Variants in HDAC9 observed in about 807,000 individuals in gnomAD.
HDAC9 encodes MEF-2 interacting transcription repressor (MITR) protein.
In HDAC9, 41 loss-of-function variants were observed where a neutral mutation model predicts 139.4. The ratio of observed to expected loss-of-function variants is 0.29; its 90% CI spans 0.23 to 0.38. The LOEUF (loss-of-function observed/expected upper bound fraction) is 0.38, where lower values mean the gene tolerates loss of function less well. Ranked by LOEUF, HDAC9 falls within the 10% of genes least tolerant of loss-of-function variation. The pLI, the probability that HDAC9 is intolerant of heterozygous loss-of-function variation, is 1.00. For missense variants in HDAC9, 1,147 were observed against 1,297.0 expected (o/e 0.88, Z 1.78); for synonymous variants, 517 against 476.2 (o/e 1.09, Z -1.12).
At chr7:18,286,929 TCTGA>T (rs1361305836), upstream of HDAC9, among the ~76,000 whole-genome samples, 2 of 152,198 alleles carry the variant, frequency 1.3e-5, no homozygotes, top group Non-Finnish European at 2.9e-5. Flanking sequence ...CTGTGTGGGC[TCTGA>T]CTATCTAATA....
At chr7:18,400,849 C>T (rs1418268380) in intron 1 of HDAC9, among the ~76,000 whole-genome samples, 2 of 152,130 alleles carry the variant, frequency 1.3e-5, no homozygotes, top group Admixed American at 6.5e-5. Context: ...TCCTGCAAAC[C>T]ACGTCTGCAT....
intron 22 of HDAC9, among the ~76,000 whole-genome samples, chr7:18,901,224 A>G (rs1475672884): frequency 1.9e-5 from 2 of 107,014 alleles, no homozygotes; most frequent in Non-Finnish European, 3.5e-5. Flanking sequence ...ATATATATAC[A>G]CACACACACA....
chr7:18,489,759 T>C (rs148163829), intron 1 of HDAC9, among the ~76,000 whole-genome samples: 3 of 152,218 alleles, frequency 2.0e-5, no homozygotes, highest in African/African-American at 7.2e-5. Context: ...AAAAGACTAT[T>C]AAGTTTTCCT....
chr7:18,816,316 A>G (rs777569599), intron 17 of HDAC9, among the ~76,000 whole-genome samples: 32 of 152,260 alleles, frequency 2.1e-4, no homozygotes, highest in Non-Finnish European at 1.3e-4. Flanking sequence ...TTGCCATAAT[A>G]TAAATCACGT....
intron 23 of HDAC9, among the ~76,000 whole-genome samples, chr7:18,943,413 G>A (rs960075430): frequency 6.6e-6 from 1 of 151,980 alleles, no homozygotes; most frequent in African/African-American, 2.4e-5. Flanking sequence ...TGACCGCTAT[G>A]CCTTCTTCCA....
intron 1 of HDAC9, among the ~76,000 whole-genome samples, chr7:18,304,613 T>C (rs759004593): frequency 1.3e-5 from 2 of 152,068 alleles, no homozygotes; most frequent in African/African-American, 2.4e-5. Context: ...GTAGGTTCTC[T>C]TTGACAAAAA....
chr7:18,957,537 G>C (rs1452795608), intron 24 of HDAC9, among the ~76,000 whole-genome samples: 1 of 152,132 alleles, frequency 6.6e-6, no homozygotes, highest in Non-Finnish European at 1.5e-5. Flanking sequence ...CCCTTTGGCA[G>C]AGAAAGTGGT....
At chr7:18,748,571 A>T (rs1486038057) in intron 13 of HDAC9, among the ~76,000 whole-genome samples, 1 of 152,166 alleles carries the variant, frequency 6.6e-6, no homozygotes, top group African/African-American at 2.4e-5. Flanking sequence ...GTCAGGCTAG[A>T]ATGACTCATG....
chr7:18,634,551 G>A, intron 7 of HDAC9, 76 bp from the exon 8 acceptor site: 4 of 859,236 alleles, frequency 4.7e-6, no homozygotes, highest in Non-Finnish European at 7.4e-6. Context: ...CATGCCCAAT[G>A]TTACATGTTA....
At chr7:18,893,995 A>G (rs1800937842) in intron 22 of HDAC9, among the ~76,000 whole-genome samples, 1 of 152,152 alleles carries the variant, frequency 6.6e-6, no homozygotes, top group Non-Finnish European at 1.5e-5. Context: ...GAAAAGGGTG[A>G]TAGAAGTGGG....
At chr7:18,765,812 GC>G (rs1356489599) in intron 15 of HDAC9, among the ~76,000 whole-genome samples, 8 of 152,036 alleles carry the variant, frequency 5.3e-5, no homozygotes, top group Admixed American at 2.6e-4. Flanking sequence ...ATTTTGATGT[GC>G]CTTTTACTGG....
chr7:18,527,967 T>A (rs1303093929), intron 2 of HDAC9, among the ~76,000 whole-genome samples: 1 of 152,004 alleles, frequency 6.6e-6, no homozygotes, highest in Non-Finnish European at 1.5e-5. Flanking sequence ...TAGTTATTTT[T>A]AAAAAATACA....
At chr7:18,139,354 T>A (rs1050208271) in intron 1 of HDAC9, among the ~76,000 whole-genome samples, 2 of 152,132 alleles carry the variant, frequency 1.3e-5, no homozygotes, top group African/African-American at 4.8e-5. Context: ...CTGGAACTCC[T>A]GAGCTCAAGC....
At position 18,943,042 on chromosome 7, in the gene HDAC9, T is replaced by G. The variant is rs370861180; in HGVS notation, c.2937+7100T>G. On this transcript the variant is annotated intron_variant, in intron 23 of 25. Coordinates refer to ENST00000686413, the MANE Select transcript of HDAC9 (RefSeq NM_178425.4). Reference sequence around the variant, plus strand: ...AAAGAGAATACTAAGGCACACAAAGTGAAACAGGACTTAACAAATTTGACT... The same window carrying G: ...AAAGAGAATACTAAGGCACACAAAGGGAAACAGGACTTAACAAATTTGACT... 4.2e-4 allele frequency among the ~76,000 whole-genome samples: 64 copies of G among 151,948 alleles called. No homozygotes were observed. The South Asian group carries it at 0.013, about 32-fold the overall frequency.
chr7:18,449,241 A>C (rs1562998742), intron 1 of HDAC9, among the ~76,000 whole-genome samples: 1 of 152,122 alleles, frequency 6.6e-6, no homozygotes, highest in African/African-American at 2.4e-5. Context: ...TCAAAATTAG[A>C]GTGGATAAAT....
At chr7:18,873,067 A>C (rs1799053552) in intron 21 of HDAC9, among the ~76,000 whole-genome samples, 2 of 152,120 alleles carry the variant, frequency 1.3e-5, no homozygotes, top group South Asian at 2.1e-4. Flanking sequence ...ATACTATTTC[A>C]CTCAGGAAAA....
intron 2 of HDAC9, among the ~76,000 whole-genome samples, chr7:18,171,516 C>G (rs1316546533): frequency 1.3e-5 from 2 of 152,178 alleles, no homozygotes; most frequent in South Asian, 2.1e-4. Flanking sequence ...GCATCCCTGT[C>G]TTGTGCCAGT....
At chr7:18,126,336 T>C (rs977317762) in intron 1 of HDAC9, among the ~76,000 whole-genome samples, 18 of 152,146 alleles carry the variant, frequency 1.2e-4, no homozygotes, top group Non-Finnish European at 1.8e-4. Context: ...ATGATAGCGT[T>C]GGGTCAGTTT....
In HDAC9 at chr7:18,620,645, G is replaced by C. The variant is rs146269693; in HGVS notation, c.665-8705G>C. Among the ~76,000 whole-genome samples the C allele has an allele frequency of 2.3e-3, 349 of 152,186 alleles. 5 individuals are homozygous for C. Among genetic ancestry groups the C allele is most frequent in the African/African-American group, 7.8e-3 (325 of 41,504 alleles). On this transcript the variant is annotated intron_variant, in intron 6 of 25. Coordinates refer to ENST00000686413, the MANE Select transcript of HDAC9 (RefSeq NM_178425.4). ...TGCCAGGCACTCTTGAGGCACATTG[G>C]TGAGGAGGAGGAAAAGTGCTGCTCT...
Sources: allele counts gnomAD v4.1 joint callset (sites outside exome capture counted in the v4.1 genomes callset), GRCh38; gene constraint gnomAD v4.1.1; transcripts MANE v1.5; gene names NCBI Gene and HGNC (gene_info 2026-07-23, HGNC 2026-07-21).